TSPAN18: variants seen among roughly 807,000 people sequenced by gnomAD.
The protein encoded by TSPAN18 is tetraspanin 18, also known as tetraspanin-18.
TSPAN18 carries 14 observed loss-of-function variants against 27.3 expected under a neutral mutation model. The observed-to-expected ratio is 0.51, with a 90% CI of 0.34 to 0.80. The LOEUF (loss-of-function observed/expected upper bound fraction) is 0.80, where lower values mean the gene tolerates loss of function less well. Among genes scored for constraint, TSPAN18 ranks in the 30% least tolerant of loss-of-function variants. TSPAN18 has a pLI of 0.01. For synonymous variants in TSPAN18, 143 were observed against 136.5 expected (o/e 1.05, Z -0.33); for missense variants, 268 against 323.9 (o/e 0.83, Z 1.32).
At chr11:44,778,961 C>A (rs919040326) in intron 2 of TSPAN18, among the ~76,000 whole-genome samples, 1 of 152,140 alleles carries the variant, frequency 6.6e-6, no homozygotes, top group African/African-American at 2.4e-5. Flanking sequence ...ACCGGGCATC[C>A]TCCCAGGATG....
chr11:44,887,903 G>T lies in TSPAN18; in HGVS notation c.-10-18504G>T, dbSNP rs115280207. On this transcript the variant is annotated intron_variant, in intron 3 of 9. Transcript: ENST00000520358. The stretch of plus-strand genomic sequence containing the variant: ...GAAGCCATTAAATATTTAAATCTGG[G>T]CAGTGTGGTGGGCCAGGTTGTCCCA... 3.9e-5 allele frequency among the ~76,000 whole-genome samples: 6 copies of T among 152,228 alleles called. No individual in the cohort carries two copies. In the East Asian group the frequency reaches 9.7e-4, roughly 25 times the overall value.
intron 3 of TSPAN18, among the ~76,000 whole-genome samples, chr11:44,876,709 T>TA (rs1858342889): frequency 6.6e-6 from 1 of 152,220 alleles, no homozygotes; most frequent in Non-Finnish European, 1.5e-5. Flanking sequence ...TTCCTTGTTG[T>TA]AAAAAATAGA....
chr11:44,922,643 G>A lies in TSPAN18; in HGVS notation c.615+2644G>A, dbSNP rs114570202. 8.0e-3 allele frequency among the ~76,000 whole-genome samples: 1,221 copies of A among 152,270 alleles called. 23 individuals are homozygous for A. Among genetic ancestry groups the A allele is most frequent in the African/African-American group, 0.028 (1,146 of 41,540 alleles). ...GAGAAAGGACAGCAGGTAAGACCAG[G>A]GTGATGGCGGTAAAGACAGAGAGGT... On this transcript the variant is annotated intron_variant, in intron 8 of 9. Transcript: ENST00000520358.
intron 4 of TSPAN18, among the ~76,000 whole-genome samples, chr11:44,908,811 G>GAAAGAAAGA (rs1386405435): frequency 1.7e-5 from 2 of 114,980 alleles, no homozygotes; most frequent in Non-Finnish European, 3.7e-5. Context: ...AAGAAAGAAA[G>GAAAGAAAGA]AAAGAAAGAA....
chr11:44,884,797 C>G (rs1005083064), intron 3 of TSPAN18, among the ~76,000 whole-genome samples: 1 of 152,252 alleles, frequency 6.6e-6, no homozygotes, highest in Non-Finnish European at 1.5e-5. Flanking sequence ...AGCTGCACAG[C>G]CACATGGGGC....
At chr11:44,910,820 G>A (rs757836608) in intron 5 of TSPAN18, among the ~76,000 whole-genome samples, 26 of 152,176 alleles carry the variant, frequency 1.7e-4, no homozygotes, top group African/African-American at 3.1e-4. Flanking sequence ...CGAGCCGTGC[G>A]GATGAGCTGG....
At chr11:44,783,784 T>TGTCTGTGCC (rs1405327959) in intron 2 of TSPAN18, among the ~76,000 whole-genome samples, 18 of 152,198 alleles carry the variant, frequency 1.2e-4, no homozygotes, top group African/African-American at 4.3e-4. Context: ...TGCCCATCAA[T>TGTCTGTGCC]GTCTGTGCCA....
intron 2 of TSPAN18, among the ~76,000 whole-genome samples, chr11:44,816,805 G>T (rs1590521791): frequency 6.6e-6 from 1 of 152,232 alleles, no homozygotes; most frequent in Non-Finnish European, 1.5e-5. Flanking sequence ...GAAGGAGGTG[G>T]GCCATGGTGC....
intron 2 of TSPAN18, among the ~76,000 whole-genome samples, chr11:44,777,404 G>A (rs368411874): frequency 1.2e-4 from 18 of 152,124 alleles, no homozygotes; most frequent in African/African-American, 4.1e-4. Flanking sequence ...AAGCAACTCT[G>A]CTTCAGCTCC....
chr11:44,760,081 C>G (rs4394833), intron 1 of TSPAN18, among the ~76,000 whole-genome samples: 78 of 152,020 alleles, frequency 5.1e-4, no homozygotes, highest in African/African-American at 1.7e-3. Flanking sequence ...GGTGAGTTCA[C>G]TTTTACTGTG....
chr11:44,849,796 G>A (rs1017926689), intron 2 of TSPAN18, among the ~76,000 whole-genome samples: 1 of 152,174 alleles, frequency 6.6e-6, no homozygotes, highest in African/African-American at 2.4e-5. Flanking sequence ...CCACTTCACA[G>A]AATCAGTGAC....
At chr11:44,781,433 T>C (rs939224936) in intron 2 of TSPAN18, among the ~76,000 whole-genome samples, 3 of 152,204 alleles carry the variant, frequency 2.0e-5, no homozygotes, top group African/African-American at 7.2e-5. Flanking sequence ...TGTTACCTTC[T>C]CGATGGCTGG....
chr11:44,851,138 TG>T (rs1857590559), intron 2 of TSPAN18, among the ~76,000 whole-genome samples: 1 of 152,224 alleles, frequency 6.6e-6, no homozygotes. Flanking sequence ...TGTGTGGGGA[TG>T]TGAGTGCGTG....
At chr11:44,902,181 GA>G (rs1859286518) in intron 3 of TSPAN18, among the ~76,000 whole-genome samples, 1 of 152,214 alleles carries the variant, frequency 6.6e-6, no homozygotes, top group African/African-American at 2.4e-5. Flanking sequence ...GACGTGATAA[GA>G]GCTGTCCATC....
chr11:44,854,059 C>T (rs1199616340), intron 2 of TSPAN18, among the ~76,000 whole-genome samples: 1 of 152,068 alleles, frequency 6.6e-6, no homozygotes, highest in South Asian at 2.1e-4. Flanking sequence ...GTGTATTAAT[C>T]GTATTGATTA....
chr11:44,860,303 G>A (rs938764949), intron 2 of TSPAN18, 25 bp from the exon 3 acceptor site: 2 of 152,130 alleles, frequency 1.3e-5, no homozygotes, highest in Non-Finnish European at 2.9e-5. Flanking sequence ...AGGTAATCAC[G>A]GCTGCTTCTG....
rs1291595355 is a variant in TSPAN18, at chr11:44,807,210, AAAAAAAAAAAAAAAAAAAAAAAAAAAG to A, written c.-153+42701_-153+42727del. ...TGTCTCTTAAAAAAAAAAAAAAAAA[AAAAAAAAAAAAAAAAAAAAAAAAAAAG>A]AAGGAAAGAGGCCAGGCACCGTGGC... is the stretch of plus-strand genomic sequence containing the variant. On this transcript the variant is annotated intron_variant, in intron 2 of 9. Coordinates refer to ENST00000520358, the MANE Select transcript of TSPAN18 (RefSeq NM_130783.5). 4.9e-3 allele frequency among the ~76,000 whole-genome samples: 128 copies of A among 26,184 alleles called. 7 individuals are homozygous for A. In the South Asian group the frequency reaches 0.074, roughly 15 times the overall value. 17.2% of individuals were successfully genotyped at this position (26,184 alleles called of 152,430 possible).
intron 2 of TSPAN18, among the ~76,000 whole-genome samples, chr11:44,807,212 AAAAAAAAAAAAAAAAAAAAAAAAAGAAG>A (rs1856613307): frequency 4.0e-5 from 2 of 49,760 alleles, no homozygotes; most frequent in Non-Finnish European, 1.4e-4. Flanking sequence ...AAAAAAAAAA[AAAAAAAAAAAAAAAAAAAAAAAAAGAAG>A]GAAAGAGGCC....
chr11:44,813,431 A>T (rs1856760385), intron 2 of TSPAN18, among the ~76,000 whole-genome samples: 1 of 152,224 alleles, frequency 6.6e-6, no homozygotes, highest in Admixed American at 6.5e-5. Flanking sequence ...GATGTATATA[A>T]AGTGCCTGGC....
Sources: allele counts gnomAD v4.1 joint callset (sites outside exome capture counted in the v4.1 genomes callset), GRCh38; gene constraint gnomAD v4.1.1; transcripts MANE v1.5; gene names NCBI Gene and HGNC (gene_info 2026-07-23, HGNC 2026-07-21).